UNK: variants seen among roughly 807,000 people sequenced by gnomAD.
UNK encodes RING finger protein unkempt homolog.
A neutral mutation model predicts 97.6 loss-of-function variants in UNK; 32 were observed. That is an observed-to-expected ratio of 0.33 (90% CI 0.25 to 0.44). The LOEUF (loss-of-function observed/expected upper bound fraction) is 0.44, where lower values mean the gene tolerates loss of function less well. UNK is among the 20% of genes least tolerant of loss of function. UNK has a pLI of 1.00. For synonymous variants in UNK, 441 were observed against 461.2 expected (o/e 0.96, Z 0.56); for missense variants, 771 against 1,098.4 (o/e 0.70, Z 4.21).
intron 4 of UNK, 33 bp from the exon 5 acceptor site, chr17:75,813,045 C>T (rs922674306): frequency 6.4e-7 from 1 of 1,562,308 alleles, no homozygotes; most frequent in Non-Finnish European, 8.7e-7. Context: ...CAGCTCCTCT[C>T]ACCTGACCCC....
rs775783431 is a variant in UNK at position 75,818,663 on chromosome 17, G to A, written c.1393G>A (p.Ala465Thr). The change falls in exon 11 of 16, where the codon GCA becomes ACA. Residue 465 changes from alanine to threonine, a missense_variant. Ala to Thr is a moderately conservative substitution (Grantham distance 58). Coordinates refer to ENST00000589666, the MANE Select transcript of UNK (RefSeq NM_001080419.3). This position sits in a 1 kb window ranked among gnomAD's most constrained non-coding sequence, Gnocchi z 5.1. ...PKQDMLGILPAGSPLTSSISS... is the reference protein window; with the variant it reads ...PKQDMLGILPTGSPLTSSISS... The stretch of plus-strand genomic sequence containing the variant: ...GCAGGACATGCTGGGCATCCTCCCC[G>A]CAGGCAGCCCCCTGACCTCAAGCAT... 36 of 1,597,328 alleles carry A rather than the reference G, an allele frequency of 2.3e-5. No homozygotes were observed. The Admixed American group carries it at 3.7e-4, about 16-fold the overall frequency.
At chr17:75,810,289 G>T (rs778771045) in intron 2 of UNK, among the ~76,000 whole-genome samples, 1 of 152,226 alleles carries the variant, frequency 6.6e-6, no homozygotes, top group African/African-American at 2.4e-5. Flanking sequence ...ACCAAAGCTG[G>T]CTGTTTAGAG....
chr17:75,797,661 G>A (rs928786413), intron 1 of UNK, among the ~76,000 whole-genome samples: 4 of 152,196 alleles, frequency 2.6e-5, no homozygotes, highest in African/African-American at 9.6e-5. Context: ...TGCTGTGTGA[G>A]GGTCATGAGT....
In UNK at chr17:75,818,738, G is replaced by A; in HGVS notation, c.1468G>A (p.Gly490Ser). 1 of 1,613,136 alleles carries A rather than the reference G, an allele frequency of 6.2e-7. No individual in the cohort carries two copies. The highest frequency in any genetic ancestry group is 8.5e-7 in the Non-Finnish European group (1 of 1,179,562). Residue 490 changes from glycine to serine, a missense_variant, in exon 11 of 16, where the codon GGC (glycine) becomes AGC (serine). Around this residue, in one of 5 missense-constraint regions of UNK, gnomAD observed 91 missense variants for 173.1 expected, o/e 0.53. Coordinates refer to ENST00000589666, the MANE Select transcript of UNK (RefSeq NM_001080419.3). This position sits in a 1 kb window ranked among gnomAD's most constrained non-coding sequence, Gnocchi z 5.1. ...SLAATPPSPV[G>S]TSSVPGMNAN... ...GGCAGCTACCCCCCCTAGCCCAGTG[G>A]GCACCAGCAGCGTCCCCGGCATGAA...
rs1255900898 is a variant in UNK at position 75,822,624 on chromosome 17, A to G, written c.1985A>G (p.Lys662Arg). 1 of 1,612,124 alleles carries G rather than the reference A, an allele frequency of 6.2e-7. No individual in the cohort carries two copies. Among genetic ancestry groups the G allele is most frequent in the Admixed American group, 1.7e-5 (1 of 59,794 alleles). ...QELDEANSTI[K>R]QWEESWKQAK... ...CTGGATGAAGCCAACAGCACCATCA[A>G]GCAGTGGGAGGAGTCCTGGAAGCAG... is the stretch of plus-strand genomic sequence containing the variant. The change falls in exon 14 of 16, where the codon AAG becomes AGG. Residue 662 changes from lysine to arginine, a missense_variant. Lys to Arg is a conservative substitution (Grantham distance 26). This residue lies in a region of UNK where 208 missense variants were observed against 257.4 expected (regional missense o/e 0.81). Transcript: ENST00000589666.
intron 1 of UNK, among the ~76,000 whole-genome samples, chr17:75,800,290 C>T (rs2061844029): frequency 6.6e-6 from 1 of 152,016 alleles, no homozygotes; most frequent in Admixed American, 6.5e-5. Flanking sequence ...AGGCTGGTCT[C>T]CAATTCCTGA....
chr17:75,785,821 A>G (rs1182237235), intron 1 of UNK: 1 of 152,216 alleles, frequency 6.6e-6, no homozygotes, highest in Non-Finnish European at 1.5e-5. Flanking sequence ...TCTCCTGTTA[A>G]GCAAAATGTT....
intron 15 of UNK, 58 bp downstream of exon 15, chr17:75,823,580 G>A (rs1442596772): frequency 1.4e-6 from 2 of 1,473,086 alleles, no homozygotes; most frequent in African/African-American, 1.4e-5. Context: ...CCAGCTCTTG[G>A]ACTCTGACCT....
chr17:75,805,535 C>A (rs1222989554), intron 1 of UNK, among the ~76,000 whole-genome samples: 1 of 152,104 alleles, frequency 6.6e-6, no homozygotes, highest in African/African-American at 2.4e-5. Flanking sequence ...TGGCTCACAC[C>A]TGTAATCCCA....
At position 75,813,096 on chromosome 17, in the gene UNK, G is replaced by A. The variant is rs2061985311; in HGVS notation, c.641G>A (p.Gly214Glu). Residue 214 changes from glycine (G) to glutamate (E), a missense_variant, in exon 5 of 16, where the codon GGG becomes GAG. Coordinates refer to ENST00000589666, the MANE Select transcript of UNK (RefSeq NM_001080419.3). ...TGTGCAGAGACTGCTTATGTGCTGG[G>A]GAACTATAAGACGGAGCCTTGCAAG... is the stretch of plus-strand genomic sequence containing the variant. ...PRWQETAYVL[G>E]NYKTEPCKKP... 2.5e-6 allele frequency: 4 copies of A among 1,587,114 alleles called. No homozygotes were observed. The highest frequency in any genetic ancestry group is 3.4e-6 in the Non-Finnish European group (4 of 1,166,790).
chr17:75,813,058 C>A lies in UNK; in HGVS notation c.623-20C>A. 6 of 1,575,102 alleles carry A rather than the reference C, an allele frequency of 3.8e-6. No individual in the cohort carries two copies. Among genetic ancestry groups the A allele is most frequent in the Non-Finnish European group, 5.2e-6 (6 of 1,159,518 alleles). ...TCCAGCTCCTCTCACCTGACCCCTG[C>A]CCTCTGGCCCCCTGTGCAGAGACTG... On this transcript the variant is annotated intron_variant, in intron 4 of 15. Coordinates refer to ENST00000589666, the MANE Select transcript of UNK (RefSeq NM_001080419.3).
chr17:75,797,549 A>G (rs189327855), intron 1 of UNK, among the ~76,000 whole-genome samples: 1 of 152,342 alleles, frequency 6.6e-6, no homozygotes, highest in Admixed American at 6.5e-5. Flanking sequence ...CTTGTTGAAA[A>G]AGATGAAATT....
chr17:75,797,793 A>G (rs2061820219), intron 1 of UNK, among the ~76,000 whole-genome samples: 1 of 152,194 alleles, frequency 6.6e-6, no homozygotes, highest in South Asian at 2.1e-4. Context: ...AGAGTGAGTT[A>G]TTCCACCGGC....
Position 75,823,536 on chromosome 17 carries a change from G to C in UNK, c.2277+14G>C. 6.5e-7 allele frequency: 1 copy of C among 1,528,604 alleles called. No homozygotes were observed. Among genetic ancestry groups the C allele is most frequent in the Non-Finnish European group, 8.8e-7 (1 of 1,131,528 alleles). The allele number at this position is 1,528,604 out of a possible 1,614,324, so 94.7% of individuals were successfully genotyped here. On this transcript the variant is annotated intron_variant, in intron 15 of 15. Coordinates refer to ENST00000589666, the MANE Select transcript of UNK (RefSeq NM_001080419.3). ...CAAGTGGACAAGGTCAGCCCAGGTC[G>C]GGGAGCACTGGGTGGGATGCACGGT... is the stretch of plus-strand genomic sequence containing the variant.
chr17:75,797,312 T>G (rs1004967435), intron 1 of UNK, among the ~76,000 whole-genome samples: 1 of 152,242 alleles, frequency 6.6e-6, no homozygotes, highest in Non-Finnish European at 1.5e-5. Context: ...CTCGGCTCAC[T>G]ACAACCTCTG....
intron 4 of UNK, 147 bp downstream of exon 4, chr17:75,812,732 G>T: frequency 7.9e-7 from 1 of 1,263,410 alleles, no homozygotes; most frequent in South Asian, 1.6e-5. Flanking sequence ...TTCAAAAGGC[G>T]CCTCTAGGGG....
At position 75,812,138 on chromosome 17, in the gene UNK, G is replaced by A. The variant is rs1170583088; in HGVS notation, c.341G>A (p.Gly114Glu). ...TGCCCATTCCTGCACAGAACCACAG[G>A]GGACACTGAGCGCAGGTACCACCTT... ...DECPFLHRTT[G>E]DTERRYHLRY... is the part of the protein sequence containing the mutation. The change falls in exon 3 of 16, where the codon GGG becomes GAG. Residue 114 changes from glycine to glutamate, a missense_variant. By Grantham distance (98) the Gly-to-Glu change is moderately conservative. This residue lies in a region of UNK where 246 missense variants were observed against 440.7 expected (regional missense o/e 0.56). Transcript: ENST00000589666. 6.2e-7 allele frequency: 1 copy of A among 1,612,160 alleles called. No individual in the cohort carries two copies.
rs1020191852 is a variant in UNK, at chr17:75,818,239, G to A, written c.1371+71G>A. 2.5e-5 allele frequency: 39 copies of A among 1,554,938 alleles called. No homozygotes were observed. The East Asian group carries it at 3.6e-4, about 15-fold the overall frequency. ...GTGGCCCAGAACCCCAGGAGGCTTC[G>A]GGGAGTGGGAGGCACCACTTTTCCC... On this transcript the variant is annotated intron_variant, in intron 10 of 15. Transcript: ENST00000589666. This position sits in a 1 kb window ranked among gnomAD's most constrained non-coding sequence, Gnocchi z 5.1.
At chr17:75,807,144 C>T (rs2061925708) in intron 1 of UNK, among the ~76,000 whole-genome samples, 1 of 152,236 alleles carries the variant, frequency 6.6e-6, no homozygotes, top group Non-Finnish European at 1.5e-5. Flanking sequence ...TAGGTTTCTC[C>T]TCCTGCCTCC....
Sources: gnomAD v4.1 joint callset for allele counts (sites outside exome capture counted in the v4.1 genomes callset) on GRCh38, gnomAD v4.1.1 for gene constraint, gnomAD v4.1.1 regional missense constraint, Gnocchi (gnomAD v3.1) non-coding constraint, MANE v1.5 for transcripts, NCBI Gene and HGNC (gene_info 2026-07-23, HGNC 2026-07-21) for gene names.